DNAH5: variants seen among roughly 807,000 people sequenced by gnomAD.
The protein encoded by DNAH5 is axonemal beta dynein heavy chain 5.
DNAH5 carries 372 observed loss-of-function variants against 518.2 expected under a neutral mutation model. The observed-to-expected ratio is 0.72, with a 90% CI of 0.66 to 0.78. The LOEUF (loss-of-function observed/expected upper bound fraction) is 0.78. Among genes scored for constraint, DNAH5 ranks in the 30% least tolerant of loss-of-function variants. The probability of loss-of-function intolerance (pLI) is 0.00; values close to 1 mark genes in which losing one functional copy is unlikely to be tolerated. For synonymous variants in DNAH5, 2,039 were observed against 2,025.9 expected, an observed-to-expected ratio of 1.01 and a Z score of -0.17; for missense variants, 5,523 against 5,687.0, an observed-to-expected ratio of 0.97 and a Z score of 0.93.
chr5:13,914,614 T>A lies in DNAH5; in HGVS notation c.1226A>T (p.Lys409Ile). The A allele has an allele frequency of 6.2e-7, 1 of 1,613,206 alleles. No individual in the cohort carries two copies. The highest frequency in any genetic ancestry group is 8.5e-7 in the Non-Finnish European group (1 of 1,179,254). Residue 409 changes from lysine to isoleucine, a missense_variant, in exon 10 of 79, where the codon AAA becomes ATA. Transcript: ENST00000265104. ...GGTTCCATTATTGGTAATATAGGCT[T>A]TACATGCAGATATAATCTGATTTGT... ...KVTNQIISAC[K>I]AYITNNGTAS...
At chr5:13,983,485 G>C (rs957400308) in intron 1 of DNAH5, among the ~76,000 whole-genome samples, 15 of 152,182 alleles carry the variant, frequency 9.9e-5, no homozygotes, top group Non-Finnish European at 2.1e-4. Flanking sequence ...TAAAACACAA[G>C]AATACACAAA....
At chr5:13,877,560 T>C (rs943054596) in intron 21 of DNAH5, among the ~76,000 whole-genome samples, 20 of 152,286 alleles carry the variant, frequency 1.3e-4, no homozygotes, top group Non-Finnish European at 2.2e-4. Flanking sequence ...ATCAATTCCA[T>C]CTGAGAGAAA....
upstream of DNAH5, among the ~76,000 whole-genome samples, chr5:13,948,969 G>C (rs1435357157): frequency 6.6e-6 from 1 of 152,088 alleles, no homozygotes; most frequent in Non-Finnish European, 1.5e-5. Context: ...TACTCCTCTA[G>C]AGAAATCCTG....
chr5:13,871,372 G>C (rs1403738373), intron 23 of DNAH5, among the ~76,000 whole-genome samples, 192 bp downstream of exon 23: 1 of 151,856 alleles, frequency 6.6e-6, no homozygotes, highest in Admixed American at 6.6e-5. Context: ...TAGCAGCAAA[G>C]TGTGCAAAAT....
At chr5:13,921,896 G>C (rs1165741971) in intron 5 of DNAH5, among the ~76,000 whole-genome samples, 1 of 152,048 alleles carries the variant, frequency 6.6e-6, no homozygotes, top group African/African-American at 2.4e-5. Flanking sequence ...ACGTTTTTAT[G>C]GAACCCCTGA....
intron 7 of DNAH5, among the ~76,000 whole-genome samples, chr5:13,918,574 G>A (rs564193465): frequency 1.3e-5 from 2 of 152,224 alleles, no homozygotes; most frequent in African/African-American, 4.8e-5. Flanking sequence ...GGGTTCAAGC[G>A]ATTCTTCTGC....
chr5:13,928,081 C>A lies in DNAH5; in HGVS notation c.277+13G>T. On this transcript the variant is annotated intron_variant, in intron 3 of 78. Coordinates refer to ENST00000265104, the MANE Select transcript of DNAH5 (RefSeq NM_001369.3). ...AACACATTTCTGGGTTATGTCACAT[C>A]AAATTCAGATACCTGTTTCTGCTTC... 1.2e-6 allele frequency: 2 copies of A among 1,606,876 alleles called. No individual in the cohort carries two copies. Among genetic ancestry groups the A allele is most frequent in the South Asian group, 1.1e-5 (1 of 90,920 alleles).
chr5:13,877,236 A>G (rs1771024839), intron 21 of DNAH5, among the ~76,000 whole-genome samples: 5 of 152,072 alleles, frequency 3.3e-5, no homozygotes, highest in Admixed American at 3.3e-4. Flanking sequence ...GCTCCATAGA[A>G]TTCTCACTCT....
In DNAH5 at chr5:13,707,406, TAA is replaced by T. The variant is rs996831175; in HGVS notation, c.13338+715_13338+716del. Among the ~76,000 whole-genome samples, 1 of 152,186 alleles carries T rather than the reference TAA, an allele frequency of 6.6e-6. No individual in the cohort carries two copies. The highest frequency in any genetic ancestry group is 1.5e-5 in the Non-Finnish European group (1 of 68,034). The stretch of plus-strand genomic sequence containing the variant: ...AACAGAAAGCCCTCTGTCCTTGCGA[TAA>T]AGAGGGTCTAATTGAGCTGATTAAC... On this transcript the variant is annotated intron_variant, in intron 76 of 78. Transcript: ENST00000265104. This position sits in a 1 kb window ranked among gnomAD's most constrained non-coding sequence, Gnocchi z 4.0.
At chr5:13,793,786 C>G in intron 48 of DNAH5, 58 bp from the exon 49 acceptor site, 1 of 1,586,456 alleles carries the variant, frequency 6.3e-7, no homozygotes, top group Non-Finnish European at 8.6e-7. Context: ...CGGAGCCTAA[C>G]TCCTTGAGTG....
intron 34 of DNAH5, 107 bp from the exon 35 acceptor site, chr5:13,839,635 G>T: frequency 2.0e-6 from 2 of 1,016,226 alleles, no homozygotes; most frequent in Non-Finnish European, 3.0e-6. Context: ...GAAACTCACA[G>T]ACAACCGAAC....
At chr5:13,842,263 C>T (rs931094569) in intron 32 of DNAH5, among the ~76,000 whole-genome samples, 1 of 151,530 alleles carries the variant, frequency 6.6e-6, no homozygotes, top group Non-Finnish European at 1.5e-5. Context: ...GCCTATAATC[C>T]CAGCTAATTG....
intron 31 of DNAH5, 81 bp downstream of exon 31, chr5:13,850,571 A>G: frequency 7.8e-7 from 1 of 1,274,798 alleles, no homozygotes; most frequent in African/African-American, 1.5e-5. Flanking sequence ...AAAGAAAACA[A>G]ATTTGGCTAA....
chr5:13,722,280 TA>T (rs1210321299), intron 70 of DNAH5, among the ~76,000 whole-genome samples: 1 of 152,220 alleles, frequency 6.6e-6, no homozygotes, highest in Non-Finnish European at 1.5e-5. Flanking sequence ...TCCTTGACTT[TA>T]AAACATCAGA....
intron 15 of DNAH5, chr5:13,898,766 G>C: frequency 2.5e-6 from 1 of 396,180 alleles, no homozygotes; most frequent in Non-Finnish European, 4.4e-6. Flanking sequence ...ATTGTCACGT[G>C]ATGTTAACCA....
At chr5:13,881,299 T>C (rs957574935) in intron 21 of DNAH5, among the ~76,000 whole-genome samples, 7 of 151,926 alleles carry the variant, frequency 4.6e-5, no homozygotes, top group Non-Finnish European at 8.8e-5. Context: ...AGACCAAATA[T>C]ACCTAACAGA....
chr5:13,964,681 T>C (rs139000301), intron 1 of DNAH5, among the ~76,000 whole-genome samples: 2 of 152,296 alleles, frequency 1.3e-5, no homozygotes, highest in Admixed American at 6.5e-5. Flanking sequence ...GCAGTGGCCA[T>C]AGGGTTGGAG....
At chr5:14,011,049 T>C (rs1785078513) in intron 1 of DNAH5, among the ~76,000 whole-genome samples, 1 of 150,516 alleles carries the variant, frequency 6.6e-6, no homozygotes, top group South Asian at 2.1e-4. Flanking sequence ...GATGTAAATG[T>C]ATAGCGTGTG....
intron 55 of DNAH5, among the ~76,000 whole-genome samples, chr5:13,773,900 T>C (rs1349021075): frequency 6.9e-6 from 1 of 145,510 alleles, no homozygotes; most frequent in Non-Finnish European, 1.5e-5. Context: ...AGGAGAGCAT[T>C]GCATGGAACA....
Sources: gnomAD v4.1 joint callset for allele counts (sites outside exome capture counted in the v4.1 genomes callset) on GRCh38, gnomAD v4.1.1 for gene constraint, Gnocchi (gnomAD v3.1) non-coding constraint, MANE v1.5 for transcripts, NCBI Gene and HGNC (gene_info 2026-07-23, HGNC 2026-07-21) for gene names.